RANBP17: variants seen among roughly 807,000 people sequenced by gnomAD.
The protein encoded by RANBP17 is ran-binding protein 17.
In RANBP17, 158 loss-of-function variants were observed where a neutral mutation model predicts 141.2. That is an observed-to-expected ratio of 1.12 (90% CI 0.98 to 1.28). The LOEUF (loss-of-function observed/expected upper bound fraction) is 1.28. Among genes scored for constraint, RANBP17 ranks in the 50% most tolerant of loss-of-function variants. RANBP17 has a pLI of 0.00. For synonymous variants in RANBP17, 430 were observed against 450.0 expected, an observed-to-expected ratio of 0.96 and a Z score of 0.56; for missense variants, 1,438 against 1,290.7, an observed-to-expected ratio of 1.11 and a Z score of -1.75.
At chr5:171,163,733 G>A (rs1457800570) in intron 14 of RANBP17, among the ~76,000 whole-genome samples, 1 of 152,076 alleles carries the variant, frequency 6.6e-6, no homozygotes, top group Admixed American at 6.5e-5. Context: ...AACAATACTT[G>A]AAAATTCACA....
At chr5:171,019,642 T>C (rs1326838073) in intron 14 of RANBP17, among the ~76,000 whole-genome samples, 1 of 152,154 alleles carries the variant, frequency 6.6e-6, no homozygotes, top group African/African-American at 2.4e-5. Flanking sequence ...ATTTGATTCT[T>C]CTCTCTTTTC....
chr5:171,295,927 C>A lies in RANBP17; in HGVS notation c.3083C>A (p.Pro1028His). The change falls in exon 27 of 28, where the codon CCC (proline) becomes CAC (histidine). Residue 1028 changes from proline to histidine, a missense_variant. By Grantham distance (77) the Pro-to-His change is moderately conservative. Transcript: ENST00000523189. ...ELRASLINSQ[P>H]LPKQEVLAQC... The stretch of plus-strand genomic sequence containing the variant: ...AGAGCAAGTTTGATAAACAGCCAGC[C>A]CCTCCCCAAGCAGGAGGTCCTTGCC... 1 of 1,613,774 alleles carries A rather than the reference C, an allele frequency of 6.2e-7. No individual in the cohort carries two copies. The highest frequency in any genetic ancestry group is 8.5e-7 in the Non-Finnish European group (1 of 1,179,792).
At chr5:170,968,465 C>T (rs951422238) in intron 14 of RANBP17, 88 bp downstream of exon 14, 6 of 1,166,296 alleles carry the variant, frequency 5.1e-6, no homozygotes, top group Admixed American at 3.5e-5. Flanking sequence ...TGGGAAATTT[C>T]TACATAAGAC....
intron 14 of RANBP17, among the ~76,000 whole-genome samples, chr5:171,089,819 G>A (rs1015218931): frequency 1.8e-4 from 27 of 151,892 alleles, no homozygotes; most frequent in East Asian, 7.8e-4. Context: ...GCTTAGGCTC[G>A]CGCACGGTGC....
At chr5:171,250,833 G>T (rs1765511394) in intron 24 of RANBP17, among the ~76,000 whole-genome samples, 1 of 152,158 alleles carries the variant, frequency 6.6e-6, no homozygotes, top group African/African-American at 2.4e-5. Flanking sequence ...GGAACACCTG[G>T]ATTCCTAAAA....
chr5:170,957,868 A>G (rs1335486938), intron 13 of RANBP17, among the ~76,000 whole-genome samples: 1 of 152,192 alleles, frequency 6.6e-6, no homozygotes, highest in African/African-American at 2.4e-5. Context: ...AAACAGAAAT[A>G]CACATGAAAC....
chr5:171,066,295 G>T (rs1414859420), intron 14 of RANBP17, among the ~76,000 whole-genome samples: 1 of 152,070 alleles, frequency 6.6e-6, no homozygotes, highest in Non-Finnish European at 1.5e-5. Context: ...CTGGAATTTT[G>T]TATCCTTTGA....
chr5:171,062,726 G>A (rs1783982852), intron 14 of RANBP17, among the ~76,000 whole-genome samples: 1 of 152,198 alleles, frequency 6.6e-6, no homozygotes, highest in African/African-American at 2.4e-5. Flanking sequence ...GATTGGGGAA[G>A]TTCTCCTGGA....
intron 1 of RANBP17, among the ~76,000 whole-genome samples, chr5:170,875,610 T>G (rs1768111903): frequency 6.6e-6 from 1 of 152,206 alleles, no homozygotes; most frequent in African/African-American, 2.4e-5. Context: ...TATTGATACT[T>G]GTGTATGCTT....
intron 27 of RANBP17, among the ~76,000 whole-genome samples, chr5:171,297,653 G>A (rs913837325): frequency 1.3e-5 from 2 of 151,858 alleles, no homozygotes; most frequent in Non-Finnish European, 1.5e-5. Context: ...TAGGTGTCTC[G>A]GTGGAAATTA....
intron 5 of RANBP17, among the ~76,000 whole-genome samples, chr5:170,906,321 C>T (rs979451924): frequency 2.6e-5 from 4 of 151,878 alleles, no homozygotes; most frequent in Non-Finnish European, 4.4e-5. Flanking sequence ...ATGGCCTTGA[C>T]GTTTATGAAG....
At chr5:171,164,510 ATGAGT>A (rs141396378) in intron 14 of RANBP17, among the ~76,000 whole-genome samples, 7,693 of 152,218 alleles carry the variant, frequency 0.051, 238 homozygotes, top group East Asian at 0.12. Context: ...TTGTCATTTG[ATGAGT>A]TGAGAATTTG....
chr5:171,120,182 G>A (rs29651), intron 14 of RANBP17, among the ~76,000 whole-genome samples: 90,727 of 151,838 alleles, frequency 0.6, 28,959 homozygotes, highest in South Asian at 0.88. Context: ...CTCTCTCTAC[G>A]TGCTGAGCCA....
chr5:171,209,732 A>T (rs17073420), intron 20 of RANBP17, among the ~76,000 whole-genome samples: 1,651 of 152,320 alleles, frequency 0.011, 28 homozygotes, highest in African/African-American at 0.037. Flanking sequence ...GCCTTGAAAG[A>T]TGGATAGGCA....
intron 14 of RANBP17, among the ~76,000 whole-genome samples, chr5:171,036,977 A>G (rs917593122): frequency 2.0e-5 from 3 of 152,086 alleles, no homozygotes; most frequent in Non-Finnish European, 2.9e-5. Context: ...GCTGGGCCAA[A>G]TGGTAGTTCT....
At chr5:170,894,891 C>T (rs1769980117) in intron 4 of RANBP17, among the ~76,000 whole-genome samples, 1 of 152,176 alleles carries the variant, frequency 6.6e-6, no homozygotes, top group Non-Finnish European at 1.5e-5. Context: ...AGCCAGCTGA[C>T]CTAGTGTACT....
intron 14 of RANBP17, among the ~76,000 whole-genome samples, chr5:170,978,900 A>AGAT: frequency 2.0e-5 from 3 of 152,200 alleles, no homozygotes; most frequent in Non-Finnish European, 2.9e-5. Flanking sequence ...GTAATTGTGT[A>AGAT]AAAAAGTGGA....
rs556608183 is a variant in RANBP17, at chr5:170,983,278, A to G, written c.1710+14901A>G. ...GTGTTTTGTTTTGTTATTTTTCTTT[A>G]AAGAACTGATAGATTACTTGCTGTC... On this transcript the variant is annotated intron_variant, in intron 14 of 27. Transcript: ENST00000523189. 13 of 263,320 alleles carry G rather than the reference A, an allele frequency of 4.9e-5. No individual in the cohort carries two copies. The Admixed American group carries it at 6.5e-4, about 13-fold the overall frequency. 16.3% of individuals were successfully genotyped at this position (263,320 alleles called of 1,614,324 possible).
At chr5:170,896,164 G>T in intron 5 of RANBP17, 49 bp downstream of exon 5, 1 of 1,291,332 alleles carries the variant, frequency 7.7e-7, no homozygotes, top group South Asian at 1.3e-5. Flanking sequence ...CTTAAGTAAT[G>T]CTGTTTCTTT....
Sources: gnomAD v4.1 joint callset for allele counts (sites outside exome capture counted in the v4.1 genomes callset) on GRCh38, gnomAD v4.1.1 for gene constraint, MANE v1.5 for transcripts, NCBI Gene and HGNC (gene_info 2026-07-23, HGNC 2026-07-21) for gene names.